Variants in PLD1 observed in about 807,000 individuals in gnomAD.
The protein encoded by PLD1 is phospholipase D1, also known as choline phosphatase 1.
Under a neutral mutation model 137.1 loss-of-function variants are expected in PLD1, and 112 were observed. That is an observed-to-expected ratio of 0.82 (90% CI 0.70 to 0.96). The LOEUF is 0.96. Ranked by LOEUF, PLD1 falls within the 40% of genes least tolerant of loss-of-function variation. The pLI is 0.00. For missense variants in PLD1, 1,321 were observed against 1,342.0 expected (o/e 0.98, Z 0.24); for synonymous variants, 431 against 454.7 (o/e 0.95, Z 0.66).
intron 23 of PLD1, among the ~76,000 whole-genome samples, chr3:171,639,996 A>G (rs1341285627): frequency 1.3e-5 from 2 of 151,380 alleles, no homozygotes; most frequent in Non-Finnish European, 2.9e-5. Flanking sequence ...TTATTTCCGT[A>G]AAGTCAGTAG....
At chr3:171,719,077 T>C (rs1717900227) in intron 8 of PLD1, among the ~76,000 whole-genome samples, 1 of 152,202 alleles carries the variant, frequency 6.6e-6, no homozygotes. Context: ...GGTTCTTCTT[T>C]AGACTTGCCA....
intron 1 of PLD1, among the ~76,000 whole-genome samples, chr3:171,755,416 AC>A (rs1473040191): frequency 1.3e-5 from 2 of 151,932 alleles, no homozygotes; most frequent in Non-Finnish European, 2.9e-5. Context: ...CTGTTGCACA[AC>A]CCTTGACTGC....
rs369917466 is a variant in PLD1, at chr3:171,688,843, C to T, written c.1372G>A (p.Val458Ile). The change falls in exon 14 of 27, where the codon GTC (valine) becomes ATC (isoleucine). Residue 458 changes from valine (V) to isoleucine (I), a missense_variant. Val to Ile is a conservative substitution (Grantham distance 29). Transcript: ENST00000351298. ...MRHPDHVSST[V>I]YLWAHHEKLV... ...TTCTCATGGTGAGCCCACAAATAGA[C>T]GGTGGATGACACATGATCCGGGTGT... The T allele has an allele frequency of 1.1e-4, 172 of 1,613,908 alleles. No homozygotes were observed. The highest frequency in any genetic ancestry group is 1.2e-4 in the Non-Finnish European group (141 of 1,179,958).
chr3:171,784,376 A>G (rs1487508975), intron 1 of PLD1, among the ~76,000 whole-genome samples: 2 of 152,152 alleles, frequency 1.3e-5, no homozygotes, highest in African/African-American at 4.8e-5. Flanking sequence ...GAAGGAAAAA[A>G]AAAAAAAAGA....
chr3:171,661,676 T>C (rs1711521190), intron 20 of PLD1, among the ~76,000 whole-genome samples: 1 of 152,320 alleles, frequency 6.6e-6, no homozygotes, highest in African/African-American at 2.4e-5. Flanking sequence ...GGTCTCTATT[T>C]TAGCAACTCA....
At chr3:171,757,580 T>C (rs1721116192) in intron 1 of PLD1, among the ~76,000 whole-genome samples, 1 of 152,204 alleles carries the variant, frequency 6.6e-6, no homozygotes, top group African/African-American at 2.4e-5. Flanking sequence ...GAAATCACTT[T>C]CCGGATTTCA....
chr3:171,610,274 C>T (rs1257896160), intron 25 of PLD1, among the ~76,000 whole-genome samples: 2 of 152,028 alleles, frequency 1.3e-5, no homozygotes, highest in African/African-American at 4.8e-5. Flanking sequence ...ATAATGTAGC[C>T]ATTAACATAT....
chr3:171,773,621 A>AC lies in PLD1; in HGVS notation c.-31-35540dup, dbSNP rs533294458. On this transcript the variant is annotated intron_variant, in intron 1 of 26. Coordinates refer to ENST00000351298, the MANE Select transcript of PLD1 (RefSeq NM_002662.5). ...CGTCTCAAAAAACAAAACAAAACAA[A>AC]CAAACTAACTAAAATGAATAAGGAT... Among the ~76,000 whole-genome samples the AC allele has an allele frequency of 2.3e-4, 34 of 150,706 alleles. 1 individual carries two copies. In the South Asian group the frequency reaches 6.4e-3, roughly 29 times the overall value.
Position 171,733,310 on chromosome 3 carries a change from CTTAA to C in PLD1, c.606+130_606+133del. On this transcript the variant is annotated intron_variant, in intron 6 of 26. Transcript: ENST00000351298. ...TGCTGTAAAATCAACTTTGTATTCA[CTTAA>C]TTTATTTTAATGCAAGGACGAATGT... 3 of 537,702 alleles carry C rather than the reference CTTAA, an allele frequency of 5.6e-6. No homozygotes were observed. In the South Asian group the frequency reaches 8.5e-5, roughly 15 times the overall value. The allele number at this position is 537,702 out of a possible 1,614,324, so 33.3% of individuals were successfully genotyped here. A position where few individuals can be genotyped will look rare whatever the true frequency, so the allele number is the denominator to read the frequency against.
chr3:171,793,920 G>A (rs1008314752), intron 1 of PLD1: 1 of 152,092 alleles, frequency 6.6e-6, no homozygotes, highest in South Asian at 2.1e-4. Flanking sequence ...GAGGCGCATG[G>A]ATAACCTGAG....
chr3:171,720,515 G>A (rs1718049687), intron 8 of PLD1, among the ~76,000 whole-genome samples: 1 of 151,508 alleles, frequency 6.6e-6, no homozygotes, highest in East Asian at 1.9e-4. Context: ...TCTGGGAGGC[G>A]GAGCTTGCAG....
In PLD1 at chr3:171,668,329, G is replaced by T. The variant is rs577703380; in HGVS notation, c.2230-6159C>A. ...AACTTCCATGGAAATGGACAAGGTG[G>T]ATTCCTTTTACCCCCACCTGCTCAC... On this transcript the variant is annotated intron_variant, in intron 19 of 26. Transcript: ENST00000351298. Among the ~76,000 whole-genome samples the T allele has an allele frequency of 5.8e-4, 88 of 152,266 alleles. No individual in the cohort carries two copies. In the South Asian group the frequency reaches 0.011, roughly 19 times the overall value.
chr3:171,771,423 G>T (rs1365796950), intron 1 of PLD1: 1 of 152,272 alleles, frequency 6.6e-6, no homozygotes, highest in Non-Finnish European at 1.5e-5. Context: ...ATAAGCTTTA[G>T]TAATGAACTT....
Position 171,621,497 on chromosome 3 carries a change from C to T in PLD1, c.2594-977G>A, listed in dbSNP as rs540771013. Among the ~76,000 whole-genome samples the T allele has an allele frequency of 2.5e-4, 38 of 152,200 alleles. No individual in the cohort carries two copies. In the South Asian group the frequency reaches 7.7e-3, roughly 31 times the overall value. ...TTCATCTCCCATTTACTGAAGTTTC[C>T]ATTTATTACTGATGGTTTCTATTTT... is the stretch of plus-strand genomic sequence containing the variant. On this transcript the variant is annotated intron_variant, in intron 23 of 26. Transcript: ENST00000351298.
chr3:171,724,253 A>G (rs1347662597), intron 8 of PLD1, among the ~76,000 whole-genome samples: 1 of 152,214 alleles, frequency 6.6e-6, no homozygotes. Flanking sequence ...TCCATTAACA[A>G]TATCTGCGGT....
At chr3:171,629,197 A>G (rs113611537) in intron 23 of PLD1, among the ~76,000 whole-genome samples, 4,471 of 152,046 alleles carry the variant, frequency 0.029, 140 homozygotes, top group African/African-American at 0.083. Context: ...CAAAAATCAC[A>G]AGCATTCTTA....
At chr3:171,686,654 AG>A in intron 16 of PLD1, 30 bp downstream of exon 16, 1 of 1,107,556 alleles carries the variant, frequency 9.0e-7, no homozygotes, top group Non-Finnish European at 1.4e-6. Context: ...CTCAAGCCTA[AG>A]GGAGTTCTGC....
intron 9 of PLD1, among the ~76,000 whole-genome samples, chr3:171,711,227 G>C (rs1578332929): frequency 7.4e-6 from 1 of 135,676 alleles, no homozygotes; most frequent in South Asian, 2.4e-4. Flanking sequence ...CTGGAGTGCA[G>C]TGGCTCAATC....
intron 12 of PLD1, among the ~76,000 whole-genome samples, chr3:171,693,259 G>C (rs1217418890): frequency 6.6e-6 from 1 of 152,188 alleles, no homozygotes; most frequent in Non-Finnish European, 1.5e-5. Context: ...ACACACAAGC[G>C]TGAGATGTGC....
Sources: gnomAD v4.1 joint callset for allele counts (sites outside exome capture counted in the v4.1 genomes callset) on GRCh38, gnomAD v4.1.1 for gene constraint, MANE v1.5 for transcripts, NCBI Gene and HGNC (gene_info 2026-07-23, HGNC 2026-07-21) for gene names.